Variants in MYO3B observed in about 807,000 individuals in gnomAD.
MYO3B encodes the protein myosin-IIIb.
MYO3B carries 156 observed loss-of-function variants against 174.6 expected under a neutral mutation model. The ratio of observed to expected loss-of-function variants is 0.89; its 90% CI spans 0.78 to 1.02. The LOEUF (loss-of-function observed/expected upper bound fraction) is 1.02. MYO3B is among the 50% of genes least tolerant of loss of function. The pLI, the probability that MYO3B is intolerant of heterozygous loss-of-function variation, is 0.00. For missense variants in MYO3B, 1,632 were observed against 1,639.4 expected, an observed-to-expected ratio of 1.00 and a Z score of 0.08; for synonymous variants, 563 against 569.1, an observed-to-expected ratio of 0.99 and a Z score of 0.15.
chr2:170,617,378 T>C (rs527536214), intron 32 of MYO3B, among the ~76,000 whole-genome samples: 1 of 152,308 alleles, frequency 6.6e-6, no homozygotes, highest in South Asian at 2.1e-4. Context: ...AATACAAGTA[T>C]ACAAGTAACA....
rs149266897 is a variant in MYO3B at position 170,458,677 on chromosome 2, G to A, written c.2731-4691G>A. ...GCCTTCTCAGCCCTTTTGGTTTGGA[G>A]TTTTGGGGCTGGCTTTGGAGCTCCG... On this transcript the variant is annotated intron_variant, in intron 23 of 34. Coordinates refer to ENST00000408978, the MANE Select transcript of MYO3B (RefSeq NM_138995.5). 2.8e-4 allele frequency among the ~76,000 whole-genome samples: 42 copies of A among 152,322 alleles called. 1 individual carries two copies. The highest frequency in any genetic ancestry group is 6.8e-3 in the Middle Eastern group (2 of 294).
intron 7 of MYO3B, among the ~76,000 whole-genome samples, chr2:170,284,741 C>T (rs1444514820): frequency 6.6e-6 from 1 of 152,166 alleles, no homozygotes; most frequent in Admixed American, 6.5e-5. Flanking sequence ...GGAATTTGCA[C>T]ATTTGCTTAA....
intron 7 of MYO3B, among the ~76,000 whole-genome samples, chr2:170,327,340 A>G (rs2093876383): frequency 6.6e-6 from 1 of 152,208 alleles, no homozygotes; most frequent in Non-Finnish European, 1.5e-5. Flanking sequence ...AGCTGAGATC[A>G]CGCCACTGCA....
intron 23 of MYO3B, among the ~76,000 whole-genome samples, chr2:170,450,481 T>C (rs1057042050): frequency 2.0e-5 from 3 of 152,010 alleles, no homozygotes; most frequent in Non-Finnish European, 4.4e-5. Flanking sequence ...TGTACTCTGA[T>C]AGAGAGGAGA....
At chr2:170,314,802 GTGCTGGTGC>G (rs1167625397) in intron 7 of MYO3B, among the ~76,000 whole-genome samples, 1 of 152,230 alleles carries the variant, frequency 6.6e-6, no homozygotes, top group Non-Finnish European at 1.5e-5. Context: ...AAAGCATCTT[GTGCTGGTGC>G]TGGGAGTGAA....
chr2:170,581,771 A>G (rs1693164416), intron 32 of MYO3B, among the ~76,000 whole-genome samples: 1 of 152,150 alleles, frequency 6.6e-6, no homozygotes, highest in African/African-American at 2.4e-5. Flanking sequence ...CTAACCTCTG[A>G]TTTATTATAA....
intron 32 of MYO3B, among the ~76,000 whole-genome samples, chr2:170,597,948 C>T (rs1323520230): frequency 2.6e-5 from 4 of 152,164 alleles, no homozygotes; most frequent in Non-Finnish European, 5.9e-5. Flanking sequence ...CAACCTATTT[C>T]TCAACATAGC....
chr2:170,215,820 T>C (rs1382942879), intron 5 of MYO3B, among the ~76,000 whole-genome samples: 1 of 152,168 alleles, frequency 6.6e-6, no homozygotes, highest in Non-Finnish European at 1.5e-5. Flanking sequence ...TTTTTGCACG[T>C]GATTCTGGGG....
chr2:170,247,093 C>CAGACTCTTCTG (rs1343889808), intron 7 of MYO3B, among the ~76,000 whole-genome samples: 1 of 152,210 alleles, frequency 6.6e-6, no homozygotes, highest in Non-Finnish European at 1.5e-5. Flanking sequence ...CTTTTCTATC[C>CAGACTCTTCTG]AGACTCTTCT....
rs12623859 is a variant in MYO3B, at chr2:170,543,799, T to G, written c.3637-93T>G. 24,136 of 970,672 alleles carry G rather than the reference T, an allele frequency of 0.025. 3,792 individuals are homozygous for G. The East Asian group carries it at 0.44, about 18-fold the overall frequency. 60.1% of individuals were successfully genotyped at this position (970,672 alleles called of 1,614,324 possible). A position where few individuals can be genotyped will look rare whatever the true frequency, so the allele number is the denominator to read the frequency against. On this transcript the variant is annotated intron_variant, in intron 31 of 34. Coordinates refer to ENST00000408978, the MANE Select transcript of MYO3B (RefSeq NM_138995.5). ...ACTTAGCCTCTTGCTTTTAGTCAGG[T>G]TTAAGTGCCCCTTCATTAAATAGAA... is the stretch of plus-strand genomic sequence containing the variant.
intron 7 of MYO3B, among the ~76,000 whole-genome samples, chr2:170,294,440 A>G (rs2093615950): frequency 6.6e-6 from 1 of 151,940 alleles, no homozygotes; most frequent in Non-Finnish European, 1.5e-5. Flanking sequence ...TCAAAAATAT[A>G]AGTTTCAAAC....
At position 170,404,354 on chromosome 2, in the gene MYO3B, G is replaced by A; in HGVS notation, c.2385G>A (p.Leu795=). The A allele has an allele frequency of 6.2e-7, 1 of 1,613,670 alleles. No individual in the cohort carries two copies. Among genetic ancestry groups the A allele is most frequent in the Non-Finnish European group, 8.5e-7 (1 of 1,179,850 alleles). The change falls in exon 20 of 35, where the codon TTG becomes TTA. Residue 795 remains leucine (L), a synonymous_variant. Transcript: ENST00000408978. Reference sequence around the variant, plus strand: ...AACCCCTGGGACTGCTTGCACTTTTGGATGAGGAAAGTCGGTTTCCCCAAG... The same window carrying A: ...AACCCCTGGGACTGCTTGCACTTTTAGATGAGGAAAGTCGGTTTCCCCAAG... The part of the protein sequence containing the change: ...LQKPLGLLAL[L]DEESRFPQAT...
At chr2:170,192,489 T>C (rs1367854203) in intron 1 of MYO3B, among the ~76,000 whole-genome samples, 6 of 151,264 alleles carry the variant, frequency 4.0e-5, no homozygotes, top group Admixed American at 3.3e-4. Flanking sequence ...ATCTATTTTA[T>C]TGTTTTGTCC....
chr2:170,518,177 A>C (rs543490228), intron 29 of MYO3B, among the ~76,000 whole-genome samples: 2 of 152,338 alleles, frequency 1.3e-5, no homozygotes, highest in Non-Finnish European at 2.9e-5. Flanking sequence ...CTGACAATTT[A>C]AAATCAGCAC....
chr2:170,182,251 A>AT (rs200630661), intron 1 of MYO3B, among the ~76,000 whole-genome samples: 2,728 of 152,060 alleles, frequency 0.018, 87 homozygotes, highest in African/African-American at 0.063. Flanking sequence ...ATTTAGCTAT[A>AT]TTTTTTTAAA....
At chr2:170,478,695 A>C (rs1685475267) in intron 25 of MYO3B, among the ~76,000 whole-genome samples, 1 of 150,716 alleles carries the variant, frequency 6.6e-6, no homozygotes, top group Non-Finnish European at 1.5e-5. Flanking sequence ...CAGCCTCCGT[A>C]AGTAGCTGGG....
chr2:170,276,614 A>G (rs144236568), intron 7 of MYO3B, among the ~76,000 whole-genome samples: 3 of 152,328 alleles, frequency 2.0e-5, no homozygotes, highest in Admixed American at 6.5e-5. Context: ...CATGAAATTG[A>G]TATGAGAGCC....
At chr2:170,516,438 C>G (rs1377106143) in intron 29 of MYO3B, among the ~76,000 whole-genome samples, 1 of 151,952 alleles carries the variant, frequency 6.6e-6, no homozygotes, top group East Asian at 1.9e-4. Flanking sequence ...TCAGGAGATA[C>G]AGACCATCCT....
chr2:170,183,564 T>C (rs750935877), intron 1 of MYO3B, among the ~76,000 whole-genome samples: 10 of 152,182 alleles, frequency 6.6e-5, no homozygotes, highest in Non-Finnish European at 1.3e-4. Context: ...ACTCAGCTCC[T>C]CAATGAATCA....
Sources: gnomAD v4.1 joint callset for allele counts (sites outside exome capture counted in the v4.1 genomes callset) on GRCh38, gnomAD v4.1.1 for gene constraint, MANE v1.5 for transcripts, NCBI Gene and HGNC (gene_info 2026-07-23, HGNC 2026-07-21) for gene names.